Variants in SLC44A2 observed in about 807,000 individuals in gnomAD.
The protein encoded by SLC44A2 is solute carrier family 44 member 2 (CTL2 blood group).
A neutral mutation model predicts 90.8 loss-of-function variants in SLC44A2; 57 were observed. The ratio of observed to expected loss-of-function variants is 0.63; its 90% CI spans 0.51 to 0.78. SLC44A2 has a LOEUF of 0.78. Among genes scored for constraint, SLC44A2 ranks in the 30% least tolerant of loss-of-function variants. SLC44A2 has a pLI of 0.00. For synonymous variants in SLC44A2, 355 were observed against 360.7 expected (o/e 0.98, Z 0.18); for missense variants, 794 against 919.7 (o/e 0.86, Z 1.77).
Position 10,636,530 on chromosome 19 carries a change from A to G in SLC44A2, c.1441A>G (p.Lys481Glu). ...TGCCTCCTACTACTGGGCCCTGCGC[A>G]AGCCGGACGACCTGCCGGCCTTCCC... ...AFASYYWALR[K>E]PDDLPAFPLF... Residue 481 changes from lysine (K) to glutamate (E), a missense_variant, in exon 15 of 22, where the codon AAG (lysine) becomes GAG (glutamate). Around this residue, in one of 3 missense-constraint regions of SLC44A2, gnomAD observed 738 missense variants for 841.1 expected, o/e 0.88. Transcript: ENST00000335757. 6.2e-7 allele frequency: 1 copy of G among 1,609,916 alleles called. No homozygotes were observed. Among genetic ancestry groups the G allele is most frequent in the Non-Finnish European group, 8.5e-7 (1 of 1,179,500 alleles).
Position 10,609,242 on chromosome 19 carries a change from A to C in SLC44A2, c.31+6681A>C, listed in dbSNP as rs146584563. 9.9e-5 allele frequency among the ~76,000 whole-genome samples: 15 copies of C among 151,936 alleles called. No individual in the cohort carries two copies. The East Asian group carries it at 2.1e-3, about 22-fold the overall frequency. On this transcript the variant is annotated intron_variant, in intron 1 of 21. Coordinates refer to the SLC44A2 transcript ENST00000407327. ...AAGTGCTGAGATTACAAGCGTGAGCAACCATGCCCGGCCCAGCCTACATTT... is the reference window on the plus strand; with the variant it reads ...AAGTGCTGAGATTACAAGCGTGAGCCACCATGCCCGGCCCAGCCTACATTT...
In SLC44A2 at chr19:10,643,502, C is replaced by T; in HGVS notation, c.*117C>T. 1 of 1,206,934 alleles carries T rather than the reference C, an allele frequency of 8.3e-7. No homozygotes were observed. Among genetic ancestry groups the T allele is most frequent in the Non-Finnish European group, 1.1e-6 (1 of 878,568 alleles). The allele number at this position is 1,206,934 out of a possible 1,614,324, so 74.8% of individuals were successfully genotyped here. The stretch of plus-strand genomic sequence containing the variant: ...GTCCTATCACTGCCGCTCTGCCCCT[C>T]CCCATGAGCCAGATCCCACCAGTTT... On this transcript the variant is annotated 3_prime_UTR_variant, in exon 22 of 22. Transcript: ENST00000335757.
At chr19:10,633,645 C>T (rs1002533577) in intron 10 of SLC44A2, among the ~76,000 whole-genome samples, 7 of 152,074 alleles carry the variant, frequency 4.6e-5, no homozygotes, top group Non-Finnish European at 2.9e-5. Flanking sequence ...TTTGTAGAGA[C>T]AGGTTCTCCC....
At chr19:10,619,954 C>CA (rs1007579327) in intron 1 of SLC44A2, among the ~76,000 whole-genome samples, 2 of 151,506 alleles carry the variant, frequency 1.3e-5, no homozygotes, top group African/African-American at 2.4e-5. Flanking sequence ...GACTCCGTCT[C>CA]AAAAAAAATC....
intron 1 of SLC44A2, among the ~76,000 whole-genome samples, chr19:10,614,746 G>A (rs1438008508): frequency 2.0e-5 from 3 of 152,064 alleles, no homozygotes; most frequent in South Asian, 2.1e-4. Flanking sequence ...TGAGGCGGGC[G>A]GATCACCCGA....
intron 1 of SLC44A2, among the ~76,000 whole-genome samples, chr19:10,613,847 C>T (rs768513079): frequency 2.6e-5 from 4 of 152,102 alleles, no homozygotes; most frequent in Non-Finnish European, 4.4e-5. Flanking sequence ...AACAGATTTT[C>T]CCCTAAAATC....
chr19:10,637,830 G>A (rs2067075334), intron 17 of SLC44A2, 26 bp from the exon 18 acceptor site: 1 of 1,613,894 alleles, frequency 6.2e-7, no homozygotes, highest in African/African-American at 1.3e-5. Flanking sequence ...CAGTGGGTCT[G>A]ATCTCTCCCT....
chr19:10,619,506 A>G (rs1337808713), intron 1 of SLC44A2, among the ~76,000 whole-genome samples: 1 of 151,504 alleles, frequency 6.6e-6, no homozygotes, highest in Non-Finnish European at 1.5e-5. Context: ...TCGATTTGCA[A>G]TACAAAAAAG....
intron 1 of SLC44A2, among the ~76,000 whole-genome samples, chr19:10,614,548 A>G (rs1005830444): frequency 6.6e-6 from 1 of 152,164 alleles, no homozygotes; most frequent in Non-Finnish European, 1.5e-5. Flanking sequence ...ATAACTGCAT[A>G]TAAGTCCCCC....
chr19:10,628,381 G>C (rs1009853862), intron 4 of SLC44A2, among the ~76,000 whole-genome samples: 2 of 152,086 alleles, frequency 1.3e-5, no homozygotes, highest in African/African-American at 4.8e-5. Context: ...GTGAGACTCT[G>C]TCTCAAAACA....
chr19:10,610,545 A>AG (rs779410768), intron 1 of SLC44A2, among the ~76,000 whole-genome samples: 1 of 147,994 alleles, frequency 6.8e-6, no homozygotes, highest in South Asian at 2.1e-4. Context: ...TGTGTTAGCC[A>AG]GATGGTCTTG....
intron 2 of SLC44A2, 22 bp downstream of exon 2, chr19:10,626,323 G>A (rs2066933451): frequency 6.3e-7 from 1 of 1,589,806 alleles, no homozygotes; most frequent in Admixed American, 1.7e-5. Context: ...GGGTTTTGGG[G>A]GGTTCTCCCC....
At chr19:10,604,078 C>A (rs1918034472) in intron 1 of SLC44A2, among the ~76,000 whole-genome samples, 1 of 152,138 alleles carries the variant, frequency 6.6e-6, no homozygotes, top group Non-Finnish European at 1.5e-5. Flanking sequence ...ATTTATTGAG[C>A]ACGATTTAGG....
At chr19:10,614,743 G>T (rs2360744) in intron 1 of SLC44A2, among the ~76,000 whole-genome samples, 10,674 of 152,086 alleles carry the variant, frequency 0.07, 417 homozygotes, top group Middle Eastern at 0.12. Context: ...GGCTGAGGCG[G>T]GCGGATCACC....
chr19:10,629,971 T>C (rs1599246614), intron 4 of SLC44A2, among the ~76,000 whole-genome samples: 1 of 152,066 alleles, frequency 6.6e-6, no homozygotes, highest in Non-Finnish European at 1.5e-5. Context: ...GCCAGGCTGG[T>C]CTCGAACTCC....
chr19:10,616,085 A>C (rs2066852866), intron 1 of SLC44A2, among the ~76,000 whole-genome samples: 1 of 151,334 alleles, frequency 6.6e-6, no homozygotes, highest in African/African-American at 2.4e-5. Flanking sequence ...GGCTGCAGTG[A>C]GCCAAGATGG....
chr19:10,618,486 T>A (rs1190997455), intron 1 of SLC44A2, among the ~76,000 whole-genome samples: 8 of 141,604 alleles, frequency 5.6e-5, no homozygotes, highest in African/African-American at 2.1e-4. Context: ...TTTTTTTTTT[T>A]TTTTTTTTTT....
intron 16 of SLC44A2, 69 bp downstream of exon 16, chr19:10,636,825 G>A (rs2067061823): frequency 6.7e-7 from 1 of 1,496,448 alleles, no homozygotes; most frequent in Non-Finnish European, 9.1e-7. Context: ...CCAGGATTGG[G>A]TCTTGCTTGG....
chr19:10,621,540 C>G (rs1396623815), upstream of SLC44A2, among the ~76,000 whole-genome samples: 1 of 147,914 alleles, frequency 6.8e-6, no homozygotes, highest in Admixed American at 7.0e-5. Context: ...ACCTCTTGGT[C>G]TCAGGTGATC....
Sources: gnomAD v4.1 joint callset for allele counts (sites outside exome capture counted in the v4.1 genomes callset) on GRCh38, gnomAD v4.1.1 for gene constraint, gnomAD v4.1.1 regional missense constraint, MANE v1.5 for transcripts, NCBI Gene and HGNC (gene_info 2026-07-23, HGNC 2026-07-21) for gene names.